Variants in SYN3 observed in about 807,000 individuals in gnomAD.
SYN3 encodes synapsin III.
In SYN3, 35 loss-of-function variants were observed where a neutral mutation model predicts 65.8. That is an observed-to-expected ratio of 0.53 (90% CI 0.41 to 0.70). SYN3 has a LOEUF of 0.70. Among genes scored for constraint, SYN3 ranks in the 30% least tolerant of loss-of-function variants. The pLI, the probability that SYN3 is intolerant of heterozygous loss-of-function variation, is 0.00. For synonymous variants in SYN3, 270 were observed against 292.9 expected (o/e 0.92, Z 0.80); for missense variants, 680 against 749.0 (o/e 0.91, Z 1.08).
At position 32,518,056 on chromosome 22, in the gene SYN3, G is replaced by A. The variant is rs752654033; in HGVS notation, c.1597C>T (p.His533Tyr). 2.0e-6 allele frequency: 3 copies of A among 1,521,464 alleles called. No homozygotes were observed. Among genetic ancestry groups the A allele is most frequent in the South Asian group, 2.7e-5 (2 of 74,648 alleles). The allele number at this position is 1,521,464 out of a possible 1,614,324, so 94.2% of individuals were successfully genotyped here. A position where few individuals can be genotyped will look rare whatever the true frequency, so the allele number is the denominator to read the frequency against. The change falls in exon 13 of 14, where the codon CAT becomes TAT. Residue 533 changes from histidine to tyrosine, a missense_variant. His to Tyr is a moderately conservative substitution (Grantham distance 83, BLOSUM62 2). Transcript: ENST00000358763. ...CAAAGCACTTACTTGAGATGCGGAT[G>A]GGGTGGTGCTGGCTTCTTGGACTCT... Reference protein sequence around the residue: ...GEESKKPAPPHPHLNKSQSLT... With the variant: ...GEESKKPAPPYPHLNKSQSLT...
chr22:32,520,945 G>A (rs952941472), intron 12 of SYN3, among the ~76,000 whole-genome samples: 41 of 152,210 alleles, frequency 2.7e-4, no homozygotes, highest in African/African-American at 8.2e-4. Flanking sequence ...CATCCCTCCC[G>A]ATCTGAACAT....
chr22:32,963,299 C>T (rs2051720522), intron 3 of SYN3, among the ~76,000 whole-genome samples: 1 of 145,196 alleles, frequency 6.9e-6, no homozygotes, highest in African/African-American at 2.6e-5. Context: ...GTTGACCAGG[C>T]TGGTCTCAAA....
Position 32,539,097 on chromosome 22 carries a change from C to T in SYN3, c.918-987G>A, listed in dbSNP as rs369538071. On this transcript the variant is annotated intron_variant, in intron 8 of 13. Transcript: ENST00000358763. ...GGTGGAGGTAAAGCTATTTGTCTTA[C>T]GGTCAAGGGAAGCTATGTCATTGAG... 7.2e-5 allele frequency among the ~76,000 whole-genome samples: 11 copies of T among 152,178 alleles called. No individual in the cohort carries two copies. In the East Asian group the frequency reaches 7.7e-4, roughly 11 times the overall value.
chr22:32,533,966 G>A (rs1198178355), intron 9 of SYN3, 71 bp from the exon 10 acceptor site: 2 of 1,007,380 alleles, frequency 2.0e-6, no homozygotes, highest in Non-Finnish European at 3.1e-6. Context: ...GAGAGAAGTG[G>A]ATTCACATGG....
At chr22:32,667,403 A>G (rs1465586510) in intron 6 of SYN3, among the ~76,000 whole-genome samples, 1 of 152,148 alleles carries the variant, frequency 6.6e-6, no homozygotes, top group Non-Finnish European at 1.5e-5. Flanking sequence ...TTTCAAGATG[A>G]CAAATATCTT....
intron 1 of SYN3, among the ~76,000 whole-genome samples, chr22:33,040,586 G>C (rs1000335870): frequency 6.6e-6 from 1 of 152,034 alleles, no homozygotes; most frequent in Non-Finnish European, 1.5e-5. Context: ...ATATGGTTAG[G>C]CTTTGTGTCC....
At chr22:32,577,357 T>A (rs1342448281) in intron 7 of SYN3, among the ~76,000 whole-genome samples, 1 of 152,178 alleles carries the variant, frequency 6.6e-6, no homozygotes, top group African/African-American at 2.4e-5. Context: ...TCGAAGGGGC[T>A]CCTGTTGCCC....
chr22:32,877,486 T>TG (rs1459838412), intron 4 of SYN3, among the ~76,000 whole-genome samples: 1 of 152,134 alleles, frequency 6.6e-6, no homozygotes, highest in East Asian at 1.9e-4. Flanking sequence ...TTCTCTGTTG[T>TG]GGGGGGCTGT....
At chr22:32,755,241 C>T (rs73408917) in intron 6 of SYN3, among the ~76,000 whole-genome samples, 9,065 of 152,222 alleles carry the variant, frequency 0.06, 423 homozygotes, top group African/African-American at 0.13. Flanking sequence ...TGGGCTAAAA[C>T]GAAGGCTCAG....
chr22:32,603,203 C>A (rs1045299548), intron 6 of SYN3, among the ~76,000 whole-genome samples: 2 of 152,014 alleles, frequency 1.3e-5, no homozygotes, highest in African/African-American at 4.8e-5. Flanking sequence ...TTCCCTCCCC[C>A]ATGTTATAGA....
chr22:32,807,899 G>A (rs2046808606), intron 6 of SYN3, among the ~76,000 whole-genome samples: 2 of 152,136 alleles, frequency 1.3e-5, no homozygotes. Flanking sequence ...GAATGTTAGA[G>A]CCCTGTGCTT....
chr22:32,535,419 A>G lies in SYN3; in HGVS notation c.993-1524T>C, dbSNP rs553362406. Among the ~76,000 whole-genome samples the G allele has an allele frequency of 3.2e-4, 48 of 152,298 alleles. 1 individual carries two copies. Among genetic ancestry groups the G allele is most frequent in the Non-Finnish European group, 6.0e-4 (41 of 68,024 alleles). On this transcript the variant is annotated intron_variant, in intron 9 of 13. Coordinates refer to ENST00000358763, the MANE Select transcript of SYN3 (RefSeq NM_003490.4). ...TCCACCCTATGTTAGAGTAATTTCT[A>G]TAATTTTTTAAAGCTTTTCATGTGA...
chr22:32,711,970 T>C (rs7291871), intron 6 of SYN3, among the ~76,000 whole-genome samples: 1 of 152,012 alleles, frequency 6.6e-6, no homozygotes, highest in South Asian at 2.1e-4. Context: ...TGCCTCAGCT[T>C]TCCAGCACTG....
rs1264031702 is a variant in SYN3, at chr22:32,801,387, C to G, written c.711+63528G>C. ...TTTGGGTCAGAGACACCCAGTGGCC[C>G]AGGTGGGCGTGGGGCCAGGGCGCAG... On this transcript the variant is annotated intron_variant, in intron 6 of 13. Transcript: ENST00000358763. The surrounding 1 kb of genome is among the most constrained non-coding windows in gnomAD (Gnocchi z 4.7). Among the ~76,000 whole-genome samples the G allele has an allele frequency of 6.6e-6, 1 of 152,196 alleles. No homozygotes were observed. The highest frequency in any genetic ancestry group is 1.5e-5 in the Non-Finnish European group (1 of 68,028).
chr22:32,825,803 A>G (rs2047392923), intron 6 of SYN3, among the ~76,000 whole-genome samples: 2 of 152,042 alleles, frequency 1.3e-5, no homozygotes. Context: ...AGTTGTTTAT[A>G]AAAGCATCCA....
In SYN3 at chr22:33,016,011, T is replaced by G. The variant is rs997291596; in HGVS notation, c.-162-9187A>C. On this transcript the variant is annotated intron_variant, in intron 1 of 13. Transcript: ENST00000358763. ...GCGCCCGCCACCACGCCCAGCTAAT[T>G]TTTTTTGTATTTTTAGTTGAGACGG... 4.0e-5 allele frequency among the ~76,000 whole-genome samples: 6 copies of G among 151,784 alleles called. 1 individual carries two copies. Among genetic ancestry groups the G allele is most frequent in the East Asian group, 1.9e-4 (1 of 5,156 alleles).
chr22:32,739,303 T>C (rs1049247651), intron 6 of SYN3, among the ~76,000 whole-genome samples: 1 of 152,196 alleles, frequency 6.6e-6, no homozygotes, highest in Non-Finnish European at 1.5e-5. Flanking sequence ...CCATGTAAGA[T>C]GTGCCTTTTG....
chr22:32,706,059 T>C (rs539764170), intron 6 of SYN3, among the ~76,000 whole-genome samples: 1 of 152,346 alleles, frequency 6.6e-6, no homozygotes, highest in South Asian at 2.1e-4. Flanking sequence ...TATTTCTTTC[T>C]CTTGCCTGAC....
chr22:32,845,661 G>A (rs2048039704), intron 6 of SYN3, among the ~76,000 whole-genome samples: 1 of 152,182 alleles, frequency 6.6e-6, no homozygotes, highest in African/African-American at 2.4e-5. Flanking sequence ...GGTAGACAGT[G>A]TAGGGGCCAT....
Sources: allele counts gnomAD v4.1 joint callset (sites outside exome capture counted in the v4.1 genomes callset), GRCh38; gene constraint gnomAD v4.1.1; non-coding constraint Gnocchi (gnomAD v3.1); transcripts MANE v1.5; gene names NCBI Gene and HGNC (gene_info 2026-07-23, HGNC 2026-07-21).